Variants in GARRE1 observed in about 807,000 individuals in gnomAD.
GARRE1 encodes the protein granule associated Rac and RHOG effector protein 1.
GARRE1 carries 49 observed loss-of-function variants against 103.2 expected under a neutral mutation model. That is an observed-to-expected ratio of 0.47 (90% CI 0.38 to 0.60). GARRE1 has a LOEUF of 0.60. Among genes scored for constraint, GARRE1 ranks in the 20% least tolerant of loss-of-function variants. The pLI is 0.00. For missense variants in GARRE1, 1,199 were observed against 1,370.5 expected, an observed-to-expected ratio of 0.87 and a Z score of 1.98; for synonymous variants, 505 against 532.8, an observed-to-expected ratio of 0.95 and a Z score of 0.72.
At chr19:34,310,511 C>G (rs1316599589) in intron 2 of GARRE1, among the ~76,000 whole-genome samples, 5 of 152,188 alleles carry the variant, frequency 3.3e-5, no homozygotes, top group African/African-American at 1.2e-4. Flanking sequence ...TCAGAAATAG[C>G]GTGATGTAGA....
intron 1 of GARRE1, among the ~76,000 whole-genome samples, chr19:34,283,137 ACT>A (rs1055539197): frequency 6.6e-6 from 1 of 152,016 alleles, no homozygotes; most frequent in Non-Finnish European, 1.5e-5. Flanking sequence ...ACTGCTTGCC[ACT>A]CTCTTTTCTC....
At chr19:34,262,427 C>T (rs2073724788) in intron 1 of GARRE1, among the ~76,000 whole-genome samples, 1 of 151,220 alleles carries the variant, frequency 6.6e-6, no homozygotes, top group South Asian at 2.1e-4. Context: ...TCCCAAGTAG[C>T]TGGGATTACA....
chr19:34,283,432 C>T (rs2073866791), intron 1 of GARRE1, among the ~76,000 whole-genome samples: 1 of 152,162 alleles, frequency 6.6e-6, no homozygotes. Flanking sequence ...AATAACAAGG[C>T]CTGCTTCCTT....
At chr19:34,332,483 G>A (rs1303033091) in intron 7 of GARRE1, among the ~76,000 whole-genome samples, 1 of 152,090 alleles carries the variant, frequency 6.6e-6, no homozygotes, top group Non-Finnish European at 1.5e-5. Flanking sequence ...GTTATTCAGA[G>A]AGCAGAAACT....
intron 2 of GARRE1, among the ~76,000 whole-genome samples, chr19:34,303,294 C>G: frequency 6.6e-6 from 1 of 152,050 alleles, no homozygotes; most frequent in East Asian, 1.9e-4. Context: ...ATATGAGATC[C>G]TAGGAAGGAG....
chr19:34,255,770 G>T (rs757380843), intron 1 of GARRE1, among the ~76,000 whole-genome samples: 2 of 151,706 alleles, frequency 1.3e-5, no homozygotes, highest in African/African-American at 2.4e-5. Context: ...AAAGTGTTGG[G>T]ATTACAAGTG....
At chr19:34,286,996 G>A (rs966373921) in intron 1 of GARRE1, among the ~76,000 whole-genome samples, 1 of 151,724 alleles carries the variant, frequency 6.6e-6, no homozygotes, top group African/African-American at 2.4e-5. Flanking sequence ...AAAATTAGTC[G>A]GGCATGGTGG....
intron 3 of GARRE1, 47 bp downstream of exon 3, chr19:34,320,163 G>GCTC (rs1166667429): frequency 1.3e-6 from 2 of 1,493,502 alleles, no homozygotes; most frequent in Non-Finnish European, 1.9e-6. Context: ...AAATAGGAGA[G>GCTC]GCTCCAGAGG....
At chr19:34,316,860 A>G (rs1307864475) in intron 2 of GARRE1, among the ~76,000 whole-genome samples, 1 of 152,204 alleles carries the variant, frequency 6.6e-6, no homozygotes, top group Non-Finnish European at 1.5e-5. Context: ...GACTCATCCA[A>G]GGTCAAACAC....
At chr19:34,324,247 GTAGTTGTCTACCTTTT>G (rs2074101976) in intron 3 of GARRE1, among the ~76,000 whole-genome samples, 1 of 152,150 alleles carries the variant, frequency 6.6e-6, no homozygotes, top group Non-Finnish European at 1.5e-5. Context: ...ACTTCTTGGA[GTAGTTGTCTACCTTTT>G]TTTCACCTTT....
intron 8 of GARRE1, 37 bp downstream of exon 8, chr19:34,333,838 T>G: frequency 1.7e-6 from 2 of 1,166,094 alleles, no homozygotes; most frequent in Non-Finnish European, 2.5e-6. Context: ...GCCTAAGCTC[T>G]GACTGACGTT....
At chr19:34,291,638 T>G (rs539718851) in intron 1 of GARRE1, among the ~76,000 whole-genome samples, 92 of 152,298 alleles carry the variant, frequency 6.0e-4, no homozygotes, top group African/African-American at 1.9e-3. Context: ...ACCACTCCTG[T>G]GATAATGCCA....
At chr19:34,256,208 CTT>C (rs2073671647) in intron 1 of GARRE1, among the ~76,000 whole-genome samples, 4 of 151,730 alleles carry the variant, frequency 2.6e-5, no homozygotes, top group Non-Finnish European at 5.9e-5. Context: ...TTTTCTGTCT[CTT>C]TGTCATAAAA....
chr19:34,273,695 CAG>C (rs1434444306), intron 1 of GARRE1, among the ~76,000 whole-genome samples: 3 of 152,234 alleles, frequency 2.0e-5, no homozygotes, highest in African/African-American at 7.2e-5. Flanking sequence ...GGGCTAAAAA[CAG>C]GGTGTTACGG....
At chr19:34,259,549 A>G (rs1342920937) in intron 1 of GARRE1, among the ~76,000 whole-genome samples, 1 of 152,224 alleles carries the variant, frequency 6.6e-6, no homozygotes, top group African/African-American at 2.4e-5. Flanking sequence ...AAGTGCCTAG[A>G]AGGGGAGTCA....
intron 1 of GARRE1, among the ~76,000 whole-genome samples, chr19:34,287,095 C>A (rs551615613): frequency 1.3e-5 from 2 of 148,334 alleles, no homozygotes; most frequent in East Asian, 4.0e-4. Flanking sequence ...GCCGAGATTG[C>A]GCCACTGCAC....
chr19:34,309,884 A>G (rs2145250645), intron 2 of GARRE1, among the ~76,000 whole-genome samples: 1 of 152,280 alleles, frequency 6.6e-6, no homozygotes, highest in Non-Finnish European at 1.5e-5. Flanking sequence ...AGGGATGAAG[A>G]GAAAAGCAGG....
Position 34,352,981 on chromosome 19 carries a change from T to G in GARRE1, c.*26T>G, listed in dbSNP as rs770912837. ...CCCCAGGCCAGCCAGCCTGCCTGCC[T>G]GCCTGCCTGCCCGCCCAGAGCTGTG... On this transcript the variant is annotated 3_prime_UTR_variant, in exon 14 of 14. Transcript: ENST00000299505. 11 of 1,483,986 alleles carry G rather than the reference T, an allele frequency of 7.4e-6. 1 individual carries two copies. The Middle Eastern group carries it at 2.4e-3, about 326-fold the overall frequency. 91.9% of individuals were successfully genotyped at this position (1,483,986 alleles called of 1,614,324 possible).
chr19:34,346,493 C>T (rs749910157), intron 10 of GARRE1, among the ~76,000 whole-genome samples: 2 of 152,120 alleles, frequency 1.3e-5, no homozygotes, highest in Non-Finnish European at 2.9e-5. Flanking sequence ...CAGCATATAA[C>T]CTCTATCTGG....
Sources: gnomAD v4.1 joint callset for allele counts (sites outside exome capture counted in the v4.1 genomes callset) on GRCh38, gnomAD v4.1.1 for gene constraint, MANE v1.5 for transcripts, NCBI Gene and HGNC (gene_info 2026-07-23, HGNC 2026-07-21) for gene names.